SMARCA2: variants seen among roughly 807,000 people sequenced by gnomAD.
SMARCA2 encodes SWI/SNF related BAF chromatin remodeling complex subunit ATPase 2, also known as SWI/SNF-related matrix-associated actin-dependent regulator of chromatin subfamily A member 2.
In SMARCA2, 61 loss-of-function variants were observed where a neutral mutation model predicts 199.8. The ratio of observed to expected loss-of-function variants is 0.31; its 90% confidence interval spans 0.25 to 0.38. The LOEUF is 0.38. Ranked by LOEUF, SMARCA2 falls within the 10% of genes least tolerant of loss-of-function variation. The pLI is 1.00. For synonymous variants in SMARCA2, 935 were observed against 732.0 expected, an observed-to-expected ratio of 1.28 and a Z score of -4.48; for missense variants, 1,344 against 2,012.2, an observed-to-expected ratio of 0.67 and a Z score of 6.35.
intron 17 of SMARCA2, among the ~76,000 whole-genome samples, chr9:2,084,623 G>A (rs574367423): frequency 6.6e-6 from 1 of 152,222 alleles, no homozygotes; most frequent in Admixed American, 6.5e-5. Flanking sequence ...CTCCAAAGAT[G>A]AGCCAGACAC....
At chr9:2,157,974 C>A in intron 27 of SMARCA2, 2 of 397,772 alleles carry the variant, frequency 5.0e-6, no homozygotes, top group Non-Finnish European at 8.9e-6. Flanking sequence ...AGCTGCAAAG[C>A]GTTTCCTCTA....
rs1823559486 is a variant in SMARCA2 at position 2,123,614 on chromosome 9, G to A, written c.3763-105G>A. ...AACCAGGATGAGAGAGGTTGAAAGG[G>A]ACCCTGCAGCCATAGGAAGTGACTT... On this transcript the variant is annotated intron_variant, in intron 26 of 33. Transcript: ENST00000349721. This position sits in a 1 kb window ranked among gnomAD's most constrained non-coding sequence, Gnocchi z 4.1. 1 of 947,910 alleles carries A rather than the reference G, an allele frequency of 1.1e-6. No individual in the cohort carries two copies. Among genetic ancestry groups the A allele is most frequent in the Non-Finnish European group, 1.7e-6 (1 of 597,706 alleles). The allele number at this position is 947,910 out of a possible 1,614,324, so 58.7% of individuals were successfully genotyped here. A position where few individuals can be genotyped will look rare whatever the true frequency, so the allele number is the denominator to read the frequency against.
chr9:2,103,643 C>CGCGT (rs1554626681), intron 22 of SMARCA2, among the ~76,000 whole-genome samples: 8 of 143,564 alleles, frequency 5.6e-5, no homozygotes, highest in African/African-American at 1.9e-4. Context: ...TGTGTGTGTA[C>CGCGT]GTGTGTGTGT....
intron 29 of SMARCA2, among the ~76,000 whole-genome samples, chr9:2,172,462 T>C (rs548660750): frequency 1.4e-5 from 2 of 147,454 alleles, no homozygotes; most frequent in East Asian, 4.1e-4. Flanking sequence ...TGTGGTGGTA[T>C]GTGCGGGAAG....
Position 2,159,026 on chromosome 9 carries a change from A to T in SMARCA2, c.3982-2660A>T, listed in dbSNP as rs554459186. 34 of 1,604,868 alleles carry T rather than the reference A, an allele frequency of 2.1e-5. 1 individual carries two copies. In the Middle Eastern group the frequency reaches 8.3e-4, roughly 39 times the overall value. On this transcript the variant is annotated intron_variant, in intron 27 of 33. Coordinates refer to ENST00000349721, the MANE Select transcript of SMARCA2 (RefSeq NM_003070.5). ...TGTAATTCCAAAACCTAAATTTAAT[A>T]AGAATCTGCACGTATTAGCAGTTGT... is the stretch of plus-strand genomic sequence containing the variant.
rs75368237 is a variant in SMARCA2 at position 2,072,437 on chromosome 9, G to T, written c.1747-775G>T. 3.9e-5 allele frequency among the ~76,000 whole-genome samples: 6 copies of T among 152,278 alleles called. No homozygotes were observed. The East Asian group carries it at 9.7e-4, about 25-fold the overall frequency. The stretch of plus-strand genomic sequence containing the variant: ...CTTTAGCTTAATTTTTGGTCAATTT[G>T]CCAGATTTCAGAGGAGCAGAGCTTT... On this transcript the variant is annotated intron_variant, in intron 10 of 33. Transcript: ENST00000349721.
At chr9:2,076,416 G>C (rs1349391843) in intron 13 of SMARCA2, 87 bp downstream of exon 13, 2 of 843,314 alleles carry the variant, frequency 2.4e-6, no homozygotes, top group East Asian at 2.4e-5. Context: ...TTCAAGGAAG[G>C]CAACTAACTT....
At chr9:2,033,936 G>C (rs1819194357) in intron 3 of SMARCA2, among the ~76,000 whole-genome samples, 1 of 152,054 alleles carries the variant, frequency 6.6e-6, no homozygotes, top group Non-Finnish European at 1.5e-5. Context: ...TCATCTTAAT[G>C]TGATTACATC....
chr9:2,055,383 T>G (rs1469209906), intron 6 of SMARCA2, among the ~76,000 whole-genome samples: 1 of 152,210 alleles, frequency 6.6e-6, no homozygotes, highest in Non-Finnish European at 1.5e-5. Flanking sequence ...TAGAGCTAAT[T>G]TTCACTTTGG....
At chr9:2,034,174 GC>G (rs1819210162) in intron 3 of SMARCA2, among the ~76,000 whole-genome samples, 1 of 150,426 alleles carries the variant, frequency 6.6e-6, no homozygotes, top group African/African-American at 2.5e-5. Flanking sequence ...GAACCCGGGG[GC>G]AGAGGTTGCA....
chr9:2,031,234 C>A (rs979424164), intron 2 of SMARCA2, among the ~76,000 whole-genome samples: 1 of 152,158 alleles, frequency 6.6e-6, no homozygotes, highest in African/African-American at 2.4e-5. Context: ...TTAACAGATA[C>A]ATTTGTTAGC....
intron 1 of SMARCA2, among the ~76,000 whole-genome samples, chr9:2,025,756 A>C (rs144967171): frequency 3.3e-5 from 5 of 152,328 alleles, no homozygotes; most frequent in African/African-American, 1.2e-4. Context: ...GTTTCTTCAT[A>C]CTGTGGGAAA....
intron 2 of SMARCA2, among the ~76,000 whole-genome samples, chr9:2,032,151 A>C (rs1250982640): frequency 1.3e-5 from 2 of 152,220 alleles, no homozygotes; most frequent in Non-Finnish European, 2.9e-5. Context: ...GGTTTCTATA[A>C]ACTCCTGGAA....
rs1361200770 is a variant in SMARCA2, at chr9:2,017,771, C to T, written c.-37+2367C>T. Reference sequence around the variant, plus strand: ...CCGCCACCCCAAGCTCCGCGAACCCCGCGCCCCTTTTTGTTCCGCGTCCTC... The same window carrying T: ...CCGCCACCCCAAGCTCCGCGAACCCTGCGCCCCTTTTTGTTCCGCGTCCTC... On this transcript the variant is annotated intron_variant, in intron 1 of 33. Transcript: ENST00000349721. This position sits in a 1 kb window ranked among gnomAD's most constrained non-coding sequence, Gnocchi z 8.8. 6.6e-6 allele frequency: 1 copy of T among 152,412 alleles called. No individual in the cohort carries two copies. Among genetic ancestry groups the T allele is most frequent in the Non-Finnish European group, 1.5e-5 (1 of 68,190 alleles). 9.4% of individuals were successfully genotyped at this position (152,412 alleles called of 1,614,324 possible). A position where few individuals can be genotyped will look rare whatever the true frequency, so the allele number is the denominator to read the frequency against.
intron 31 of SMARCA2, among the ~76,000 whole-genome samples, chr9:2,182,654 C>A (rs1166952548): frequency 6.6e-6 from 1 of 151,848 alleles, no homozygotes; most frequent in East Asian, 1.9e-4. Context: ...ACCACCATGC[C>A]TGGCTGATTT....
At position 2,054,735 on chromosome 9, in the gene SMARCA2, T is replaced by A; in HGVS notation, c.1173+12T>A. 6.2e-7 allele frequency: 1 copy of A among 1,613,764 alleles called. No individual in the cohort carries two copies. The highest frequency in any genetic ancestry group is 8.5e-7 in the Non-Finnish European group (1 of 1,179,732). ...ATTTCCAGCGTCAGGTAATACATTT[T>A]CCCCAGTGAATCTGAGATGTAGGAA... On this transcript the variant is annotated intron_variant, in intron 6 of 33. Coordinates refer to ENST00000349721, the MANE Select transcript of SMARCA2 (RefSeq NM_003070.5).
At chr9:2,112,228 G>A (rs1483586434) in intron 24 of SMARCA2, among the ~76,000 whole-genome samples, 1 of 152,188 alleles carries the variant, frequency 6.6e-6, no homozygotes, top group African/African-American at 2.4e-5. Context: ...TCCTCCTGGT[G>A]TGCTCAATGT....
chr9:2,096,900 A>G (rs1822297053), intron 20 of SMARCA2, 136 bp downstream of exon 20: 2 of 653,402 alleles, frequency 3.1e-6, no homozygotes, highest in Non-Finnish European at 5.6e-6. Flanking sequence ...TTGAGCTATT[A>G]TAGCTGCCAA....
At chr9:2,118,104 T>A (rs1310374484) in intron 25 of SMARCA2, among the ~76,000 whole-genome samples, 1 of 152,166 alleles carries the variant, frequency 6.6e-6, no homozygotes, top group African/African-American at 2.4e-5. Flanking sequence ...GAGCCCCTCA[T>A]GGTCCAGGTG....
Sources: gnomAD v4.1 joint callset for allele counts (sites outside exome capture counted in the v4.1 genomes callset) on GRCh38, gnomAD v4.1.1 for gene constraint, Gnocchi (gnomAD v3.1) non-coding constraint, MANE v1.5 for transcripts, NCBI Gene and HGNC (gene_info 2026-07-23, HGNC 2026-07-21) for gene names.